PRDM16: variants seen among roughly 807,000 people sequenced by gnomAD.
PRDM16 encodes the protein PR/SET domain 16.
PRDM16 carries 23 observed loss-of-function variants against 110.6 expected under a neutral mutation model. That is an observed-to-expected ratio of 0.21 (90% CI 0.15 to 0.29). The LOEUF is 0.29. Ranked by LOEUF, PRDM16 falls within the 10% of genes least tolerant of loss-of-function variation. The pLI is 1.00. For missense variants in PRDM16, 1,615 were observed against 1,794.3 expected, an observed-to-expected ratio of 0.90 and a Z score of 1.81; for synonymous variants, 799 against 781.8, an observed-to-expected ratio of 1.02 and a Z score of -0.37.
intron 1 of PRDM16, among the ~76,000 whole-genome samples, chr1:3,123,037 C>T (rs1643128700): frequency 6.6e-6 from 1 of 152,186 alleles, no homozygotes; most frequent in Non-Finnish European, 1.5e-5. Context: ...TTGATTTCAC[C>T]AGGTCCTGGA....
At chr1:3,202,734 T>C (rs1368921111) in intron 2 of PRDM16, among the ~76,000 whole-genome samples, 4 of 152,178 alleles carry the variant, frequency 2.6e-5, no homozygotes, top group Non-Finnish European at 5.9e-5. Context: ...GCCGGGGCCC[T>C]GGCACCACAG....
intron 1 of PRDM16, among the ~76,000 whole-genome samples, chr1:3,185,569 T>C (rs1030528717): frequency 2.6e-5 from 4 of 152,172 alleles, no homozygotes; most frequent in African/African-American, 9.7e-5. Flanking sequence ...GCAGCCCAAG[T>C]GCAGGGAAGC....
intron 1 of PRDM16, among the ~76,000 whole-genome samples, chr1:3,091,524 G>T (rs913838477): frequency 6.6e-6 from 1 of 152,242 alleles, no homozygotes; most frequent in Non-Finnish European, 1.5e-5. Flanking sequence ...TCCTCTCCAC[G>T]CCTGCCCCGT....
In PRDM16 at chr1:3,201,530, T is replaced by C. The variant is rs988916604; in HGVS notation, c.387+15056T>C. Among the ~76,000 whole-genome samples, 3 of 152,148 alleles carry C rather than the reference T, an allele frequency of 2.0e-5. No homozygotes were observed. The highest frequency in any genetic ancestry group is 4.4e-5 in the Non-Finnish European group (3 of 68,004). On this transcript the variant is annotated intron_variant, in intron 2 of 16. Coordinates refer to ENST00000270722, the MANE Select transcript of PRDM16 (RefSeq NM_022114.4). This position sits in a 1 kb window ranked among gnomAD's most constrained non-coding sequence, Gnocchi z 4.1. ...CCTGGGCCCTTGCAGTCATCAGGAA[T>C]GATGTCAGCTGTGGGGAGGACAGGA...
rs1055317286 is a variant in PRDM16, at chr1:3,426,373, C to G, written c.3284+148C>G. ...GGGGGCCTCACCACAGAGGGTGAGG[C>G]CCCTGGGCTCTGGGAACCTGGGGAA... is the stretch of plus-strand genomic sequence containing the variant. On this transcript the variant is annotated intron_variant, in intron 14 of 16. Coordinates refer to ENST00000270722, the MANE Select transcript of PRDM16 (RefSeq NM_022114.4). 3 of 589,298 alleles carry G rather than the reference C, an allele frequency of 5.1e-6. No homozygotes were observed. In the Admixed American group the frequency reaches 1.1e-4, roughly 21 times the overall value. 36.5% of individuals were successfully genotyped at this position (589,298 alleles called of 1,614,324 possible). A position where few individuals can be genotyped will look rare whatever the true frequency, so the allele number is the denominator to read the frequency against.
rs1007844975 is a variant in PRDM16 at position 3,081,221 on chromosome 1, C to T, written c.37+11925C>T. Among the ~76,000 whole-genome samples, 3 of 152,230 alleles carry T rather than the reference C, an allele frequency of 2.0e-5. No homozygotes were observed. Among genetic ancestry groups the T allele is most frequent in the African/African-American group, 7.2e-5 (3 of 41,468 alleles). On this transcript the variant is annotated intron_variant, in intron 1 of 16. Coordinates refer to ENST00000270722, the MANE Select transcript of PRDM16 (RefSeq NM_022114.4). The surrounding 1 kb of genome is among the most constrained non-coding windows in gnomAD (Gnocchi z 4.6). ...GTTATTGAATCTCATCTGCTAATTA[C>T]GGCGGCGGGACTTGGGTTCGAGGCC...
chr1:3,346,803 C>T (rs1642371731), intron 3 of PRDM16, among the ~76,000 whole-genome samples: 1 of 152,206 alleles, frequency 6.6e-6, no homozygotes, highest in South Asian at 2.1e-4. Context: ...CGTTCGCCCG[C>T]CCCAGTGGCC....
intron 1 of PRDM16, among the ~76,000 whole-genome samples, chr1:3,152,029 G>A (rs948169638): frequency 2.6e-5 from 4 of 152,188 alleles, no homozygotes; most frequent in Non-Finnish European, 2.9e-5. Context: ...GTCACCACTC[G>A]GCCCCGTGGC....
chr1:3,108,615 C>G (rs1335830482), intron 1 of PRDM16, among the ~76,000 whole-genome samples: 2 of 152,176 alleles, frequency 1.3e-5, no homozygotes, highest in Non-Finnish European at 2.9e-5. Context: ...CAGGTGCTGT[C>G]CTCTGCTTTT....
chr1:3,260,152 C>G (rs1017215441), intron 3 of PRDM16, among the ~76,000 whole-genome samples: 15 of 152,304 alleles, frequency 9.8e-5, no homozygotes, highest in Admixed American at 7.8e-4. Context: ...TTGTGTGAAC[C>G]CAAGCAACTA....
intron 10 of PRDM16, among the ~76,000 whole-genome samples, chr1:3,417,240 T>C (rs574641818): frequency 6.6e-6 from 1 of 152,370 alleles, no homozygotes; most frequent in East Asian, 1.9e-4. Flanking sequence ...TGGGTTTAAG[T>C]CTTAAAGAGG....
At chr1:3,084,614 G>A (rs530901312) in intron 1 of PRDM16, among the ~76,000 whole-genome samples, 1 of 152,298 alleles carries the variant, frequency 6.6e-6, no homozygotes, top group South Asian at 2.1e-4. Context: ...CTGGACACTT[G>A]AGCCAGGGAG....
intron 1 of PRDM16, among the ~76,000 whole-genome samples, chr1:3,116,807 C>T (rs1369512857): frequency 2.0e-5 from 3 of 152,216 alleles, no homozygotes; most frequent in African/African-American, 7.2e-5. Flanking sequence ...CCGCTGGTGA[C>T]TTGGTGGAGG....
At chr1:3,260,847 G>T (rs1640149175) in intron 3 of PRDM16, among the ~76,000 whole-genome samples, 2 of 146,186 alleles carry the variant, frequency 1.4e-5, no homozygotes, top group Admixed American at 1.4e-4. Flanking sequence ...GAGCCTCAAG[G>T]TCCCATCTAG....
chr1:3,231,961 G>A (rs942637895), intron 2 of PRDM16, among the ~76,000 whole-genome samples: 5 of 152,194 alleles, frequency 3.3e-5, no homozygotes, highest in African/African-American at 1.2e-4. Flanking sequence ...AGATCAGCCC[G>A]GAATTCCTCG....
chr1:3,163,794 C>G (rs961085150), intron 1 of PRDM16, among the ~76,000 whole-genome samples: 2 of 152,190 alleles, frequency 1.3e-5, no homozygotes, highest in African/African-American at 2.4e-5. Context: ...CGTCCAGAGC[C>G]GTGTTTTATC....
Position 3,372,191 on chromosome 1 carries a change from G to A in PRDM16, c.439-12961G>A, listed in dbSNP as rs540387888. Among the ~76,000 whole-genome samples the A allele has an allele frequency of 3.0e-4, 46 of 152,358 alleles. 1 individual carries two copies. The highest frequency in any genetic ancestry group is 6.0e-4 in the Non-Finnish European group (41 of 68,034). ...GGGAAGAGCTGGGTGAGGGACCCCA[G>A]GGGTCCTTGGTAGGTTCCTCAGCCT... On this transcript the variant is annotated intron_variant, in intron 3 of 16. Coordinates refer to ENST00000270722, the MANE Select transcript of PRDM16 (RefSeq NM_022114.4).
At chr1:3,082,111 A>G (rs1433687886) in intron 1 of PRDM16, among the ~76,000 whole-genome samples, 1 of 152,138 alleles carries the variant, frequency 6.6e-6, no homozygotes, top group Non-Finnish European at 1.5e-5. Flanking sequence ...AAGCTCCACC[A>G]TGTTAGATGA....
At chr1:3,205,907 G>A (rs1569843218) in intron 2 of PRDM16, 1 of 152,234 alleles carries the variant, frequency 6.6e-6, no homozygotes, top group Non-Finnish European at 1.5e-5. Context: ...TGAATCTCCG[G>A]ATCCCACACA....
Sources: gnomAD v4.1 joint callset for allele counts (sites outside exome capture counted in the v4.1 genomes callset) on GRCh38, gnomAD v4.1.1 for gene constraint, Gnocchi (gnomAD v3.1) non-coding constraint, MANE v1.5 for transcripts, NCBI Gene and HGNC (gene_info 2026-07-23, HGNC 2026-07-21) for gene names.